Variants in APLP2 observed in about 807,000 individuals in gnomAD.
The protein encoded by APLP2 is amyloid beta precursor like protein 2.
APLP2 carries 53 observed loss-of-function variants against 89.9 expected under a neutral mutation model. That is an observed-to-expected ratio of 0.59 (90% CI 0.47 to 0.74). The LOEUF is 0.74. APLP2 is among the 30% of genes least tolerant of loss of function. APLP2 has a pLI of 0.00. For synonymous variants in APLP2, 372 were observed against 348.6 expected, an observed-to-expected ratio of 1.07 and a Z score of -0.75; for missense variants, 973 against 975.9, an observed-to-expected ratio of 1.00 and a Z score of 0.04.
intron 1 of APLP2, among the ~76,000 whole-genome samples, chr11:130,107,423 AACAG>A (rs199590375): frequency 0.097 from 14,772 of 152,154 alleles, 1,046 homozygotes; most frequent in African/African-American, 0.19. Context: ...ATACACCAAT[AACAG>A]ACAGAGAGCC....
intron 9 of APLP2, among the ~76,000 whole-genome samples, chr11:130,128,386 C>G (rs1950598454): frequency 6.6e-6 from 1 of 152,104 alleles, no homozygotes; most frequent in South Asian, 2.1e-4. Context: ...GCTGAAATGC[C>G]TTTCCTCCTA....
intron 13 of APLP2, among the ~76,000 whole-genome samples, chr11:130,138,551 A>G (rs1951913116): frequency 6.7e-6 from 1 of 149,788 alleles, no homozygotes; most frequent in Non-Finnish European, 1.5e-5. Flanking sequence ...ACCACCAAAA[A>G]TCTATTATAA....
intron 13 of APLP2, chr11:130,139,764 A>G (rs532514269): frequency 6.6e-6 from 1 of 152,434 alleles, no homozygotes; most frequent in Non-Finnish European, 1.5e-5. Context: ...TTTATCTTCT[A>G]ATAGCCACTT....
intron 1 of APLP2, among the ~76,000 whole-genome samples, chr11:130,094,275 AC>A (rs1945894041): frequency 7.1e-6 from 1 of 139,862 alleles, no homozygotes; most frequent in African/African-American, 2.7e-5. Flanking sequence ...CTGTTCTCGA[AC>A]TCCCAACCTC....
chr11:130,135,399 C>T (rs888138387), intron 12 of APLP2, among the ~76,000 whole-genome samples, 164 bp from the exon 13 acceptor site: 1 of 152,090 alleles, frequency 6.6e-6, no homozygotes, highest in Non-Finnish European at 1.5e-5. Context: ...GGACGGCGCC[C>T]TGGGGTCCCT....
rs568593909 is a variant in APLP2 at position 130,116,231 on chromosome 11, C to T, written c.404-4475C>T. Among the ~76,000 whole-genome samples, 18 of 151,858 alleles carry T rather than the reference C, an allele frequency of 1.2e-4. No individual in the cohort carries two copies. The East Asian group carries it at 1.7e-3, about 15-fold the overall frequency. On this transcript the variant is annotated intron_variant, in intron 3 of 16. Coordinates refer to ENST00000338167, the MANE Select transcript of APLP2 (RefSeq NM_001142276.2). ...TAGCCTGAAGAAGGGGTTAGAGATA[C>T]GCAGTGGGTTTCCTTTTGTTTGTTT...
At chr11:130,083,879 T>G (rs996071034) in intron 1 of APLP2, among the ~76,000 whole-genome samples, 1 of 152,196 alleles carries the variant, frequency 6.6e-6, no homozygotes, top group Non-Finnish European at 1.5e-5. Flanking sequence ...ATAATTCTAC[T>G]TTTAATTTTT....
At chr11:130,121,191 T>G (rs911103826) in intron 4 of APLP2, among the ~76,000 whole-genome samples, 2 of 152,238 alleles carry the variant, frequency 1.3e-5, no homozygotes, top group Non-Finnish European at 2.9e-5. Flanking sequence ...ATCTCACTTT[T>G]CTGGTGGCAA....
In APLP2 at chr11:130,091,423, A is replaced by C. The variant is rs1591779440; in HGVS notation, c.106-18006A>C. On this transcript the variant is annotated intron_variant, in intron 1 of 16. Transcript: ENST00000338167. ...GGCTGGCCGGGCAGAGGGGCTCCTC[A>C]CTTCCCAGTAGGGGCGGCCGGGCAG... 6.5e-5 allele frequency among the ~76,000 whole-genome samples: 8 copies of C among 123,462 alleles called. No individual in the cohort carries two copies. In the South Asian group the frequency reaches 2.1e-3, roughly 33 times the overall value. The allele number at this position is 123,462 out of a possible 152,430, so 81.0% of individuals were successfully genotyped here.
intron 1 of APLP2, among the ~76,000 whole-genome samples, chr11:130,096,591 G>A (rs1421828390): frequency 2.6e-5 from 4 of 152,138 alleles, no homozygotes; most frequent in African/African-American, 7.2e-5. Flanking sequence ...GGTGCTGCAC[G>A]TCTGTGGTCT....
chr11:130,098,876 A>G (rs565357615), intron 1 of APLP2, among the ~76,000 whole-genome samples: 3 of 152,172 alleles, frequency 2.0e-5, no homozygotes, highest in Admixed American at 2.0e-4. Context: ...TATTTCTGTC[A>G]TCTGAATCAA....
chr11:130,114,922 G>C (rs1038884316), intron 3 of APLP2, among the ~76,000 whole-genome samples: 2 of 152,084 alleles, frequency 1.3e-5, no homozygotes, highest in African/African-American at 4.8e-5. Context: ...TCCATTGCAG[G>C]TGTCCTTTTG....
intron 3 of APLP2, among the ~76,000 whole-genome samples, chr11:130,115,081 G>A (rs1271783679): frequency 6.6e-6 from 1 of 151,976 alleles, no homozygotes; most frequent in African/African-American, 2.4e-5. Flanking sequence ...AACATACCTG[G>A]GGTGACCACC....
At chr11:130,095,170 G>A (rs942548737) in intron 1 of APLP2, among the ~76,000 whole-genome samples, 5 of 152,210 alleles carry the variant, frequency 3.3e-5, no homozygotes, top group Non-Finnish European at 7.3e-5. Context: ...GGCTGAGGCG[G>A]AAGGATTGCC....
chr11:130,096,969 A>G (rs549175296), intron 1 of APLP2, among the ~76,000 whole-genome samples: 1 of 152,296 alleles, frequency 6.6e-6, no homozygotes, highest in African/African-American at 2.4e-5. Context: ...AATTGTTGAT[A>G]ATTACAATAA....
intron 1 of APLP2, among the ~76,000 whole-genome samples, chr11:130,091,548 C>A (rs1162843368): frequency 2.1e-5 from 3 of 141,274 alleles, no homozygotes; most frequent in Admixed American, 6.8e-5. Flanking sequence ...GGGGGCTGAC[C>A]CCCCCACCTC....
rs549403469 is a variant in APLP2 at position 130,141,011 on chromosome 11, A to G, written c.1924-487A>G. 37 of 152,482 alleles carry G rather than the reference A, an allele frequency of 2.4e-4. No homozygotes were observed. The highest frequency in any genetic ancestry group is 4.6e-4 in the Non-Finnish European group (32 of 69,792). The allele number at this position is 152,482 out of a possible 1,614,324, so 9.4% of individuals were successfully genotyped here. A position where few individuals can be genotyped will look rare whatever the true frequency, so the allele number is the denominator to read the frequency against. ...AAGCTCCACCTCCCGGGTTCACGCC[A>G]TTCTCCTGCCTCAGCCTCCCAAGTA... On this transcript the variant is annotated intron_variant, in intron 14 of 16. Transcript: ENST00000338167. The surrounding 1 kb of genome is among the most constrained non-coding windows in gnomAD (Gnocchi z 4.2).
At chr11:130,085,574 C>T (rs920238684) in intron 1 of APLP2, among the ~76,000 whole-genome samples, 2 of 152,240 alleles carry the variant, frequency 1.3e-5, no homozygotes, top group African/African-American at 4.8e-5. Flanking sequence ...TAATCCTTCT[C>T]ATAGTCTTCC....
At chr11:130,107,812 C>T (rs1318634145) in intron 1 of APLP2, among the ~76,000 whole-genome samples, 1 of 152,222 alleles carries the variant, frequency 6.6e-6, no homozygotes, top group Non-Finnish European at 1.5e-5. Flanking sequence ...TGACTTCAAA[C>T]TATACTTCAA....
Sources: gnomAD v4.1 joint callset for allele counts (sites outside exome capture counted in the v4.1 genomes callset) on GRCh38, gnomAD v4.1.1 for gene constraint, Gnocchi (gnomAD v3.1) non-coding constraint, MANE v1.5 for transcripts, NCBI Gene and HGNC (gene_info 2026-07-23, HGNC 2026-07-21) for gene names.